FER: variants seen among roughly 807,000 people sequenced by gnomAD.
FER encodes tyrosine-protein kinase Fer.
A neutral mutation model predicts 111.0 loss-of-function variants in FER; 63 were observed. The ratio of observed to expected loss-of-function variants is 0.57; its 90% confidence interval spans 0.46 to 0.70. The LOEUF is 0.70. Ranked by LOEUF, FER falls within the 30% of genes least tolerant of loss-of-function variation. The pLI, the probability that FER is intolerant of heterozygous loss-of-function variation, is 0.00. For missense variants in FER, 914 were observed against 954.0 expected, an observed-to-expected ratio of 0.96 and a Z score of 0.55; for synonymous variants, 327 against 313.9, an observed-to-expected ratio of 1.04 and a Z score of -0.44.
chr5:109,164,680 T>G (rs913279483), intron 17 of FER, among the ~76,000 whole-genome samples: 1 of 152,200 alleles, frequency 6.6e-6, no homozygotes, highest in African/African-American at 2.4e-5. Flanking sequence ...CCTTTTATTC[T>G]AATTGATGCC....
At chr5:108,958,865 C>G (rs1419480663) in intron 12 of FER, among the ~76,000 whole-genome samples, 1 of 151,702 alleles carries the variant, frequency 6.6e-6, no homozygotes, top group Non-Finnish European at 1.5e-5. Context: ...AAACATGTAT[C>G]TTGTCCAGTA....
chr5:109,186,212 C>T lies in FER; in HGVS notation c.2216C>T (p.Ser739Leu), dbSNP rs1758852012. 4 of 1,614,078 alleles carry T rather than the reference C, an allele frequency of 2.5e-6. No homozygotes were observed. Among genetic ancestry groups the T allele is most frequent in the South Asian group, 2.2e-5 (2 of 91,076 alleles). Residue 739 changes from serine to leucine, a missense_variant, in exon 19 of 20, where the codon TCA (serine) becomes TTA (leucine). By Grantham distance (145) the Ser-to-Leu change is moderately radical (BLOSUM62 -2). Transcript: ENST00000281092. ...PEALNYGRYS[S>L]ESDVWSFGIL... ...GTTCCTCTTCCAGGGAGATACAGTTCAGAGAGTGACGTGTGGAGCTTTGGC... is the reference window on the plus strand; with the variant it reads ...GTTCCTCTTCCAGGGAGATACAGTTTAGAGAGTGACGTGTGGAGCTTTGGC...
chr5:109,040,236 G>C (rs1299526510), intron 14 of FER, among the ~76,000 whole-genome samples: 1 of 152,076 alleles, frequency 6.6e-6, no homozygotes, highest in Non-Finnish European at 1.5e-5. Context: ...AAATCTGGTA[G>C]TTGTTAGTAT....
intron 17 of FER, among the ~76,000 whole-genome samples, chr5:109,130,520 G>A (rs1752245342): frequency 1.3e-5 from 2 of 151,768 alleles, no homozygotes; most frequent in South Asian, 4.2e-4. Context: ...AAAATAAAAT[G>A]ATATAAAAAT....
intron 17 of FER, among the ~76,000 whole-genome samples, chr5:109,121,724 C>G (rs1273191090): frequency 6.6e-6 from 1 of 152,028 alleles, no homozygotes; most frequent in Non-Finnish European, 1.5e-5. Context: ...CCATCAGGTC[C>G]TAGGATTTTC....
chr5:108,900,138 T>C (rs968574003), intron 10 of FER, among the ~76,000 whole-genome samples: 1 of 152,214 alleles, frequency 6.6e-6, no homozygotes, highest in South Asian at 2.1e-4. Flanking sequence ...AATACTATAA[T>C]ATATGTAGTT....
At chr5:108,878,071 A>T (rs1448436777) in intron 8 of FER, among the ~76,000 whole-genome samples, 1 of 151,898 alleles carries the variant, frequency 6.6e-6, no homozygotes, top group Non-Finnish European at 1.5e-5. Context: ...ATACTTGGCT[A>T]ATTTTTTGTA....
At chr5:108,828,355 T>C (rs2150122648) in intron 3 of FER, among the ~76,000 whole-genome samples, 1 of 152,358 alleles carries the variant, frequency 6.6e-6, no homozygotes, top group African/African-American at 2.4e-5. Context: ...TTTATACTTC[T>C]TGATACACAA....
chr5:108,816,802 A>G (rs996122793), intron 3 of FER, among the ~76,000 whole-genome samples: 12 of 152,134 alleles, frequency 7.9e-5, no homozygotes, highest in African/African-American at 2.7e-4. Context: ...TGGTATTTTT[A>G]AAAAGTTTGC....
At position 109,081,712 on chromosome 5, in the gene FER, GA is replaced by G. The variant is rs1458687502; in HGVS notation, c.1925-18681del. 6.6e-5 allele frequency among the ~76,000 whole-genome samples: 10 copies of G among 152,074 alleles called. No homozygotes were observed. The East Asian group carries it at 1.7e-3, about 26-fold the overall frequency. ...GCAACAGGAAAATACAAATAAAAGA[GA>G]AATGTAAGTCTTAGAACCTAGTTCT... On this transcript the variant is annotated intron_variant, in intron 16 of 19. Coordinates refer to ENST00000281092, the MANE Select transcript of FER (RefSeq NM_005246.4).
chr5:109,075,621 C>A (rs1046135110), intron 16 of FER, among the ~76,000 whole-genome samples: 1 of 151,950 alleles, frequency 6.6e-6, no homozygotes, highest in African/African-American at 2.4e-5. Context: ...GACGGGGTTT[C>A]ACCGTGTTAG....
chr5:108,791,271 A>C (rs192961833), intron 2 of FER, among the ~76,000 whole-genome samples: 1 of 142,534 alleles, frequency 7.0e-6, no homozygotes, highest in South Asian at 2.2e-4. Context: ...CTAGCAAGGG[A>C]TGAAGATTCC....
intron 10 of FER, among the ~76,000 whole-genome samples, chr5:108,903,947 T>C (rs1254060523): frequency 1.3e-5 from 2 of 152,048 alleles, no homozygotes; most frequent in African/African-American, 4.8e-5. Flanking sequence ...CAAGTGTAAA[T>C]GATATGCCTG....
intron 13 of FER, among the ~76,000 whole-genome samples, chr5:109,007,905 T>A (rs1240562532): frequency 6.6e-6 from 1 of 152,188 alleles, no homozygotes; most frequent in East Asian, 1.9e-4. Context: ...GACTCCACAT[T>A]TTTACTAGCT....
intron 17 of FER, among the ~76,000 whole-genome samples, chr5:109,162,471 G>A (rs748891275): frequency 1.3e-5 from 2 of 151,918 alleles, no homozygotes; most frequent in African/African-American, 4.8e-5. Context: ...ATTAGAAAAG[G>A]CTACATTAGA....
chr5:109,147,124 T>G (rs995887199), intron 17 of FER, among the ~76,000 whole-genome samples: 1 of 151,440 alleles, frequency 6.6e-6, no homozygotes, highest in Non-Finnish European at 1.5e-5. Flanking sequence ...TACTCAGACT[T>G]CTCAAAAAAA....
intron 18 of FER, 119 bp from the exon 19 acceptor site, chr5:109,186,081 T>G (rs1758832291): frequency 7.2e-7 from 1 of 1,390,234 alleles, no homozygotes; most frequent in Non-Finnish European, 1.0e-6. Flanking sequence ...ATATATGTGC[T>G]CCATCATTGA....
chr5:108,986,116 T>G (rs909202803), intron 13 of FER, among the ~76,000 whole-genome samples: 7 of 152,188 alleles, frequency 4.6e-5, no homozygotes, highest in African/African-American at 1.4e-4. Flanking sequence ...TTTGTTTTTT[T>G]TATTATGGCC....
intron 14 of FER, among the ~76,000 whole-genome samples, chr5:109,040,475 A>G (rs1771008941): frequency 6.6e-6 from 1 of 152,142 alleles, no homozygotes; most frequent in Admixed American, 6.6e-5. Flanking sequence ...GAAGAGAGTG[A>G]TCAGTGGTGT....
Sources: gnomAD v4.1 joint callset for allele counts (sites outside exome capture counted in the v4.1 genomes callset) on GRCh38, gnomAD v4.1.1 for gene constraint, MANE v1.5 for transcripts, NCBI Gene and HGNC (gene_info 2026-07-23, HGNC 2026-07-21) for gene names.